The following CCDC106 variants were observed in gnomAD, a reference collection of about 807,000 sequenced individuals.
CCDC106 encodes coiled-coil domain containing 106.
A neutral mutation model predicts 24.7 loss-of-function variants in CCDC106; 17 were observed. The observed-to-expected ratio is 0.69, with a 90% CI of 0.47 to 1.03. The LOEUF (loss-of-function observed/expected upper bound fraction) is 1.03, where lower values mean the gene tolerates loss of function less well. CCDC106 is among the 50% of genes least tolerant of loss of function. CCDC106 has a pLI of 0.00. For missense variants in CCDC106, 337 were observed against 388.9 expected, an observed-to-expected ratio of 0.87 and a Z score of 1.12; for synonymous variants, 211 against 161.3, an observed-to-expected ratio of 1.31 and a Z score of -2.34.
chr19:55,650,123 A>C (rs1241525696), intron 3 of CCDC106, among the ~76,000 whole-genome samples: 2 of 139,248 alleles, frequency 1.4e-5, no homozygotes, highest in African/African-American at 2.7e-5. Context: ...GTTAATGAGC[A>C]CTCCTTCCCC....
chr19:55,649,670 C>G (rs1379473819), intron 3 of CCDC106, 86 bp downstream of exon 3: 1 of 1,357,950 alleles, frequency 7.4e-7, no homozygotes, highest in African/African-American at 1.4e-5. Flanking sequence ...CACTGTTTGG[C>G]TGGCTGGGTG....
In CCDC106 at chr19:55,653,072, G is replaced by A; in HGVS notation, c.*326G>A. The stretch of plus-strand genomic sequence containing the variant: ...GGCCCCGCGGAGGAGCTGCCCACCT[G>A]ATTCCCGGACAGACCTCCCCAACTC... On this transcript the variant is annotated 3_prime_UTR_variant, in exon 5 of 5. Coordinates refer to ENST00000586790, the MANE Select transcript of CCDC106 (RefSeq NM_001370470.1). 1 of 300,488 alleles carries A rather than the reference G, an allele frequency of 3.3e-6. No individual in the cohort carries two copies. Among genetic ancestry groups the A allele is most frequent in the Non-Finnish European group, 6.2e-6 (1 of 161,694 alleles). The allele number at this position is 300,488 out of a possible 1,614,324, so 18.6% of individuals were successfully genotyped here.
Position 55,651,385 on chromosome 19 carries a change from T to A in CCDC106, c.416T>A (p.Leu139His), listed in dbSNP as rs1322895235. 6.2e-7 allele frequency: 1 copy of A among 1,612,074 alleles called. No individual in the cohort carries two copies. The highest frequency in any genetic ancestry group is 1.7e-5 in the Admixed American group (1 of 59,828). The change falls in exon 4 of 5, where the codon CTC (leucine) becomes CAC (histidine). Residue 139 changes from leucine (L) to histidine (H), a missense_variant. By Grantham distance (99) the Leu-to-His change is moderately conservative. Around this residue, in one of 2 missense-constraint regions of CCDC106, gnomAD observed 234 missense variants for 236.5 expected, o/e 0.99. Transcript: ENST00000586790. ...ASDPESAASS[L>H]SGASEEGSAS... is the part of the protein sequence containing the mutation. ...GACCCTGAGTCAGCAGCCTCCTCCC[T>A]CAGCGGAGCGTCCGAAGAAGGCAGC... is the stretch of plus-strand genomic sequence containing the variant.
chr19:55,649,179 G>A, intron 1 of CCDC106, 26 bp from the exon 2 acceptor site: 2 of 1,611,118 alleles, frequency 1.2e-6, no homozygotes, highest in South Asian at 2.2e-5. Flanking sequence ...AATTCTCTGG[G>A]GTAACCCGGG....
Position 55,652,572 on chromosome 19 carries a change from C to T in CCDC106, c.669C>T (p.Leu223=). The change falls in exon 5 of 5, where the codon CTC becomes CTT. Residue 223 remains leucine (L), a synonymous_variant. Coordinates refer to ENST00000586790, the MANE Select transcript of CCDC106 (RefSeq NM_001370470.1). This position sits in a 1 kb window ranked among gnomAD's most constrained non-coding sequence, Gnocchi z 5.9. ...VALTTPIAEL[L]IVAPEKLAEV... is the part of the protein sequence containing the mutation. ...TGACCACGCCCATCGCCGAGCTGCT[C>T]ATTGTGGCCCCCGAGAAGCTGGCCG... is the stretch of plus-strand genomic sequence containing the variant. 4 of 1,613,574 alleles carry T rather than the reference C, an allele frequency of 2.5e-6. No individual in the cohort carries two copies. Among genetic ancestry groups the T allele is most frequent in the East Asian group, 2.2e-5 (1 of 44,870 alleles).
chr19:55,651,785 C>T (rs966873834), intron 4 of CCDC106, among the ~76,000 whole-genome samples: 1 of 152,096 alleles, frequency 6.6e-6, no homozygotes, highest in African/African-American at 2.4e-5. Context: ...CCTCAGCCTC[C>T]CGAGTAGCTG....
chr19:55,648,953 C>T lies in CCDC106; in HGVS notation c.-94C>T, dbSNP rs1464789717. The T allele has an allele frequency of 7.3e-6, 9 of 1,232,820 alleles. No individual in the cohort carries two copies. Among genetic ancestry groups the T allele is most frequent in the Admixed American group, 1.7e-5 (1 of 59,304 alleles). 76.4% of individuals were successfully genotyped at this position (1,232,820 alleles called of 1,614,324 possible). ...TCACTTCACCTCCCCCAGGATGGAC[C>T]CTCCAGTCCATCTGCGTCTCTCCAT... On this transcript the variant is annotated 5_prime_UTR_variant, in exon 1 of 5. Coordinates refer to ENST00000586790, the MANE Select transcript of CCDC106 (RefSeq NM_001370470.1).
intron 3 of CCDC106, among the ~76,000 whole-genome samples, chr19:55,650,193 C>G (rs1382077532): frequency 6.6e-6 from 1 of 152,062 alleles, no homozygotes; most frequent in Non-Finnish European, 1.5e-5. Context: ...CCAGCAGGTG[C>G]TGTCCCTCAA....
chr19:55,650,830 T>G (rs553879681), intron 3 of CCDC106, among the ~76,000 whole-genome samples: 1 of 152,226 alleles, frequency 6.6e-6, no homozygotes, highest in African/African-American at 2.4e-5. Context: ...GCCGGCTCCC[T>G]CTGTCTAGAT....
In CCDC106 at chr19:55,651,481, G is replaced by A. The variant is rs756695607; in HGVS notation, c.512G>A (p.Arg171Gln). ...SRRRFGKPKA[R>Q]ERQRVKDADG... ...AGGCGCTTTGGGAAGCCCAAGGCCC[G>A]GGAGAGGCAGCGAGGTGAGTGGGGT... The change falls in exon 4 of 5, where the codon CGG becomes CAG. Residue 171 changes from arginine (R) to glutamine (Q), a missense_variant. By Grantham distance (43) the Arg-to-Gln change is conservative. Around this residue, in one of 2 missense-constraint regions of CCDC106, gnomAD observed 234 missense variants for 236.5 expected, o/e 0.99. Transcript: ENST00000586790. 7.3e-5 allele frequency: 116 copies of A among 1,579,340 alleles called. No homozygotes were observed. The highest frequency in any genetic ancestry group is 9.4e-5 in the African/African-American group (7 of 74,504).
Position 55,652,411 on chromosome 19 carries a change from C to A in CCDC106, c.527-19C>A, listed in dbSNP as rs764843493. 6.3e-7 allele frequency: 1 copy of A among 1,574,936 alleles called. No homozygotes were observed. Among genetic ancestry groups the A allele is most frequent in the South Asian group, 1.1e-5 (1 of 86,962 alleles). Reference sequence around the variant, plus strand: ...TGTGCCCTGCCCCTCACTTTCGTGTCCCCGCCTCCACCCCTCAGTGAAGGA... The same window carrying A: ...TGTGCCCTGCCCCTCACTTTCGTGTACCCGCCTCCACCCCTCAGTGAAGGA... On this transcript the variant is annotated intron_variant, in intron 4 of 4. Coordinates refer to ENST00000586790, the MANE Select transcript of CCDC106 (RefSeq NM_001370470.1). The surrounding 1 kb of genome is among the most constrained non-coding windows in gnomAD (Gnocchi z 5.9).
Position 55,649,049 on chromosome 19 carries a change from GA to G in CCDC106, c.5del (p.Asn2MetfsTer10). The G allele has an allele frequency of 1.9e-6, 3 of 1,613,504 alleles. No individual in the cohort carries two copies. The highest frequency in any genetic ancestry group is 2.5e-6 in the Non-Finnish European group (3 of 1,179,998). ...TGGGGTCCGTAGGAAGCCGCGCCAT[GA>G]ATGACCGGAGCAGTCGGAGGCGGAC... M[N>X]DRSSRRRTMK... On this transcript the variant is annotated frameshift_variant, in exon 1 of 5. Transcript: ENST00000586790. LOFTEE classifies it high-confidence loss of function.
At chr19:55,647,920 C>G (rs1443458710), upstream of CCDC106, 1 of 152,278 alleles carries the variant, frequency 6.6e-6, no homozygotes, top group African/African-American at 2.4e-5. Flanking sequence ...CCCCCGGAGA[C>G]TCGCCAGCTC....
Position 55,651,822 on chromosome 19 carries a change from T to C in CCDC106, c.526+327T>C, listed in dbSNP as rs184639956. On this transcript the variant is annotated intron_variant, in intron 4 of 4. Coordinates refer to ENST00000586790, the MANE Select transcript of CCDC106 (RefSeq NM_001370470.1). ...GACTACAGGCACCCGCCACCACGCC[T>C]GGCTAATTTTTTGTATTTTTAGTAG... is the stretch of plus-strand genomic sequence containing the variant. Among the ~76,000 whole-genome samples, 83 of 152,164 alleles carry C rather than the reference T, an allele frequency of 5.5e-4. 1 individual carries two copies. The highest frequency in any genetic ancestry group is 1.9e-3 in the African/African-American group (80 of 41,520).
At position 55,648,804 on chromosome 19, in the gene CCDC106, G is replaced by T; in HGVS notation, c.-243G>T. ...TTCTCCCCCAGGACCTAGGCGGCTG[G>T]GCCCCCTGCCCCTGACTCCAGGAGC... On this transcript the variant is annotated 5_prime_UTR_variant, in exon 1 of 5. Transcript: ENST00000586790. The T allele has an allele frequency of 6.9e-6, 4 of 581,286 alleles. No homozygotes were observed. The highest frequency in any genetic ancestry group is 1.2e-5 in the Non-Finnish European group (4 of 326,000). The allele number at this position is 581,286 out of a possible 1,614,324, so 36.0% of individuals were successfully genotyped here.
In CCDC106 at chr19:55,649,200, T is replaced by G. The variant is rs113311390; in HGVS notation, c.32-5T>G. The G allele has an allele frequency of 5.0e-3, 8,083 of 1,612,892 alleles. 28 individuals are homozygous for G. Among genetic ancestry groups the G allele is most frequent in the Non-Finnish European group, 5.6e-3 (6,626 of 1,178,898 alleles). ...CTGGGGTAACCCGGGGCCTCTCCTC[T>G]CCAGTGAAGGACGATGAGACCTTCG... On this transcript the variant is annotated splice_polypyrimidine_tract_variant and splice_region_variant and intron_variant, in intron 1 of 4. Coordinates refer to ENST00000586790, the MANE Select transcript of CCDC106 (RefSeq NM_001370470.1).
rs904464052 is a variant in CCDC106 at position 55,648,263 on chromosome 19, G to T, written c.-784G>T. 6.6e-6 allele frequency: 1 copy of T among 152,152 alleles called. No individual in the cohort carries two copies. Among genetic ancestry groups the T allele is most frequent in the Non-Finnish European group, 1.5e-5 (1 of 68,002 alleles). 9.4% of individuals were successfully genotyped at this position (152,152 alleles called of 1,614,324 possible). On this transcript the variant is annotated 5_prime_UTR_variant, in exon 1 of 5. An upstream open reading frame in the 5' UTR gains an earlier in-frame stop. Coordinates refer to ENST00000586790, the MANE Select transcript of CCDC106 (RefSeq NM_001370470.1). ...CGCCGCCGCCGTCGGTCCCCGAGCC[G>T]GATTCCGCGAGCGGGTGGGTGAGCG...
chr19:55,649,152 G>C, intron 1 of CCDC106, 53 bp from the exon 2 acceptor site: 1 of 1,609,466 alleles, frequency 6.2e-7, no homozygotes, highest in African/African-American at 1.3e-5. Context: ...TTGGGGGGTG[G>C]CCTGAGAGGC....
chr19:55,652,378 C>G lies in CCDC106; in HGVS notation c.527-52C>G. Reference sequence around the variant, plus strand: ...CCGTTTCCCTTCCCGTGTCCGCCCCCTCAGTCTTGTGCCCTGCCCCTCACT... The same window carrying G: ...CCGTTTCCCTTCCCGTGTCCGCCCCGTCAGTCTTGTGCCCTGCCCCTCACT... On this transcript the variant is annotated intron_variant, in intron 4 of 4. Coordinates refer to ENST00000586790, the MANE Select transcript of CCDC106 (RefSeq NM_001370470.1). The surrounding 1 kb of genome is among the most constrained non-coding windows in gnomAD (Gnocchi z 5.9). The G allele has an allele frequency of 1.3e-6, 2 of 1,490,918 alleles. No homozygotes were observed. 92.4% of individuals were successfully genotyped at this position (1,490,918 alleles called of 1,614,324 possible).
Sources: allele counts gnomAD v4.1 joint callset (sites outside exome capture counted in the v4.1 genomes callset), GRCh38; gene constraint gnomAD v4.1.1; regional missense constraint gnomAD v4.1.1; non-coding constraint Gnocchi (gnomAD v3.1); transcripts MANE v1.5; gene names NCBI Gene and HGNC (gene_info 2026-07-23, HGNC 2026-07-21).